CLASP2: variants seen among roughly 807,000 people sequenced by gnomAD.
The protein encoded by CLASP2 is CLIP-associating protein 2.
Under a neutral mutation model 194.4 loss-of-function variants are expected in CLASP2, and 47 were observed. The ratio of observed to expected loss-of-function variants is 0.24; its 90% CI spans 0.19 to 0.31. The LOEUF is 0.31. Ranked by LOEUF, CLASP2 falls within the 10% of genes least tolerant of loss-of-function variation. The probability of loss-of-function intolerance (pLI) is 1.00; values close to 1 mark genes in which losing one functional copy is unlikely to be tolerated. For synonymous variants in CLASP2, 619 were observed against 633.5 expected (o/e 0.98, Z 0.34); for missense variants, 1,445 against 1,823.6 (o/e 0.79, Z 3.78).
At chr3:33,537,184 G>A (rs573644921) in intron 33 of CLASP2, among the ~76,000 whole-genome samples, 1 of 151,986 alleles carries the variant, frequency 6.6e-6, no homozygotes, top group East Asian at 1.9e-4. Context: ...ACCATGCTGT[G>A]TCTAAAAAAC....
intron 1 of CLASP2, 83 bp downstream of exon 1, chr3:33,717,725 C>A: frequency 6.9e-7 from 1 of 1,450,186 alleles, no homozygotes; most frequent in Non-Finnish European, 9.4e-7. Context: ...CGGACGGGAG[C>A]TTTCCCGGCC....
rs535547133 is a variant in CLASP2 at position 33,549,645 on chromosome 3, C to T, written c.3153+1607G>A. 1.1e-3 allele frequency among the ~76,000 whole-genome samples: 167 copies of T among 152,112 alleles called. 2 individuals are homozygous for T. The Middle Eastern group carries it at 0.037, about 34-fold the overall frequency. ...TCATGGCCTAGCGTGCAGAATGTTC[C>T]TAGTGTAGTTGAGAAGAATATTCTG... On this transcript the variant is annotated intron_variant, in intron 30 of 38. Coordinates refer to ENST00000682230, the MANE Select transcript of CLASP2 (RefSeq NM_001365631.1).
chr3:33,504,842 C>T (rs2047700339), intron 37 of CLASP2: 1 of 152,594 alleles, frequency 6.6e-6, no homozygotes, highest in Non-Finnish European at 1.5e-5. Flanking sequence ...GGAGGCGAAG[C>T]TCAGGTGGTA....
At chr3:33,716,005 A>G (rs1419033795) in intron 1 of CLASP2, among the ~76,000 whole-genome samples, 1 of 151,082 alleles carries the variant, frequency 6.6e-6, no homozygotes, top group Admixed American at 6.6e-5. Context: ...CTAGTGATTT[A>G]GGAAAGAGAG....
intron 30 of CLASP2, among the ~76,000 whole-genome samples, chr3:33,545,559 G>T (rs1559956857): frequency 6.6e-6 from 1 of 152,172 alleles, no homozygotes; most frequent in Admixed American, 6.5e-5. Context: ...AATCTTGGAA[G>T]ATGATACAGC....
At chr3:33,514,837 CACCAT>C (rs2050843082) in intron 36 of CLASP2, among the ~76,000 whole-genome samples, 1 of 151,972 alleles carries the variant, frequency 6.6e-6, no homozygotes, top group South Asian at 2.1e-4. Flanking sequence ...CACACACACA[CACCAT>C]GTGTATGTGT....
At chr3:33,531,386 A>G (rs1457124991) in intron 34 of CLASP2, among the ~76,000 whole-genome samples, 1 of 152,234 alleles carries the variant, frequency 6.6e-6, no homozygotes, top group Non-Finnish European at 1.5e-5. Context: ...GGGCAAAGGA[A>G]TAGAAAAGAC....
chr3:33,559,066 C>A, intron 29 of CLASP2: 1 of 589,446 alleles, frequency 1.7e-6, no homozygotes, highest in Non-Finnish European at 3.1e-6. Context: ...AATACAGATG[C>A]AAACACTGCA....
chr3:33,566,756 G>T (rs893698659), intron 26 of CLASP2, 22 bp from the exon 27 acceptor site: 1 of 435,656 alleles, frequency 2.3e-6, no homozygotes, highest in Non-Finnish European at 4.6e-6. Context: ...TCCAACACAG[G>T]GGACAGCATG....
At chr3:33,543,308 G>A (rs549651865) in intron 32 of CLASP2, 125 bp downstream of exon 32, 109 of 630,684 alleles carry the variant, frequency 1.7e-4, no homozygotes, top group African/African-American at 1.7e-3. Flanking sequence ...GGGAGGTAGA[G>A]GTTGCAGTGA....
chr3:33,606,010 G>C (rs946152654), intron 16 of CLASP2, among the ~76,000 whole-genome samples: 4 of 152,314 alleles, frequency 2.6e-5, no homozygotes, highest in East Asian at 3.9e-4. Context: ...GTGCTAGGAA[G>C]TGGAGAAGGC....
intron 7 of CLASP2, among the ~76,000 whole-genome samples, chr3:33,649,397 TTATA>T (rs2082811677): frequency 6.6e-6 from 1 of 152,224 alleles, no homozygotes. Flanking sequence ...TTTGCCCCTG[TTATA>T]TCTTCAACAT....
At chr3:33,620,997 TTGTGTGTGTGTGTGTGTG>T (rs60682503) in intron 11 of CLASP2, among the ~76,000 whole-genome samples, 40 of 142,560 alleles carry the variant, frequency 2.8e-4, no homozygotes, top group South Asian at 7.0e-4. Context: ...CTGTAGCTCT[TTGTGTGTGTGTGTGTGTG>T]TGTGTGTGTG....
At position 33,642,805 on chromosome 3, in the gene CLASP2, T is replaced by TA. The variant is rs925737695; in HGVS notation, c.862+1951dup. ...ATCCTCTGGCCAGTAGCTCTTTTCT[T>TA]AGATAGAAAAATGGGCAATAAACCT... On this transcript the variant is annotated intron_variant, in intron 8 of 38. Transcript: ENST00000682230. Among the ~76,000 whole-genome samples, 10 of 151,752 alleles carry TA rather than the reference T, an allele frequency of 6.6e-5. No individual in the cohort carries two copies. In the East Asian group the frequency reaches 1.7e-3, roughly 26 times the overall value.
chr3:33,616,211 T>C (rs894861490), intron 12 of CLASP2, among the ~76,000 whole-genome samples: 1 of 151,804 alleles, frequency 6.6e-6, no homozygotes, highest in African/African-American at 2.4e-5. Flanking sequence ...CTCACACTTG[T>C]AATCCCAGCT....
In CLASP2 at chr3:33,560,918, A is replaced by C; in HGVS notation, c.2820T>G (p.Asp940Glu). 6.2e-7 allele frequency: 1 copy of C among 1,613,932 alleles called. No individual in the cohort carries two copies. The highest frequency in any genetic ancestry group is 8.5e-7 in the Non-Finnish European group (1 of 1,179,808). Reference protein sequence around the residue: ...TLVDFIQVHKDDLQDWLFVLL... With the variant: ...TLVDFIQVHKEDLQDWLFVLL... Reference sequence around the variant, plus strand: ...GTACAAACAACCAATCTTGAAGATCATCTTTGTGGACTTGTATGAAATCCA... The same window carrying C: ...GTACAAACAACCAATCTTGAAGATCCTCTTTGTGGACTTGTATGAAATCCA... Residue 940 changes from aspartate to glutamate, a missense_variant, in exon 28 of 39, where the codon GAT becomes GAG. Coordinates refer to ENST00000682230, the MANE Select transcript of CLASP2 (RefSeq NM_001365631.1).
chr3:33,611,051 C>G (rs1278525962), intron 13 of CLASP2, among the ~76,000 whole-genome samples: 1 of 152,146 alleles, frequency 6.6e-6, no homozygotes. Context: ...ACAACACACA[C>G]ACATACACAT....
At chr3:33,612,229 C>A (rs958989743) in intron 12 of CLASP2, among the ~76,000 whole-genome samples, 158 bp from the exon 13 acceptor site, 2 of 152,144 alleles carry the variant, frequency 1.3e-5, no homozygotes, top group Admixed American at 1.3e-4. Flanking sequence ...GAAAAGTTTT[C>A]CTGAATTAAT....
intron 8 of CLASP2, among the ~76,000 whole-genome samples, chr3:33,642,224 T>C (rs1055716961): frequency 2.0e-5 from 3 of 152,040 alleles, no homozygotes; most frequent in Admixed American, 6.6e-5. Context: ...AAAGAAATCA[T>C]TGCAGATGTG....
Sources: gnomAD v4.1 joint callset for allele counts (sites outside exome capture counted in the v4.1 genomes callset) on GRCh38, gnomAD v4.1.1 for gene constraint, MANE v1.5 for transcripts, NCBI Gene and HGNC (gene_info 2026-07-23, HGNC 2026-07-21) for gene names.